The following PXDNL variants were observed in gnomAD, a reference collection of about 807,000 sequenced individuals.
PXDNL encodes the protein probable oxidoreductase PXDNL.
In PXDNL, 145 loss-of-function variants were observed where a neutral mutation model predicts 150.8. The observed-to-expected ratio is 0.96, with a 90% CI of 0.84 to 1.10. The LOEUF (loss-of-function observed/expected upper bound fraction) is 1.10, where lower values mean the gene tolerates loss of function less well. Among genes scored for constraint, PXDNL ranks in the 50% least tolerant of loss-of-function variants. The pLI is 0.00. For missense variants in PXDNL, 2,087 were observed against 1,873.9 expected (o/e 1.11, Z -2.10); for synonymous variants, 757 against 725.7 (o/e 1.04, Z -0.69).
intron 4 of PXDNL, among the ~76,000 whole-genome samples, chr8:51,512,093 A>C (rs1165409651): frequency 6.6e-6 from 1 of 152,250 alleles, no homozygotes; most frequent in African/African-American, 2.4e-5. Flanking sequence ...TTCCCATAAA[A>C]AAAAACTCAA....
chr8:51,715,541 TTC>T (rs374884282), intron 1 of PXDNL, among the ~76,000 whole-genome samples: 84 of 152,340 alleles, frequency 5.5e-4, no homozygotes, highest in African/African-American at 1.7e-3. Flanking sequence ...AAGTGTTAAC[TTC>T]TCTGATTCTT....
chr8:51,683,816 A>T (rs564208042), intron 1 of PXDNL, among the ~76,000 whole-genome samples: 3 of 152,190 alleles, frequency 2.0e-5, no homozygotes, highest in Non-Finnish European at 4.4e-5. Flanking sequence ...ATGTGTAGGC[A>T]AACAGCTCCA....
At chr8:51,578,776 A>G (rs1265192276) in intron 3 of PXDNL, among the ~76,000 whole-genome samples, 4 of 152,000 alleles carry the variant, frequency 2.6e-5, no homozygotes, top group Non-Finnish European at 5.9e-5. Context: ...AGGTAAATGT[A>G]ATAAAATAGA....
At chr8:51,449,206 TC>T (rs1809750422) in intron 10 of PXDNL, 88 bp from the exon 11 acceptor site, 1 of 705,164 alleles carries the variant, frequency 1.4e-6, no homozygotes, top group Non-Finnish European at 2.4e-6. Flanking sequence ...TTCAAATATG[TC>T]ATGTGATCAG....
At chr8:51,349,147 G>T (rs148779542) in intron 19 of PXDNL, among the ~76,000 whole-genome samples, 1 of 131,038 alleles carries the variant, frequency 7.6e-6, no homozygotes, top group Non-Finnish European at 1.7e-5. Flanking sequence ...TGTTCAAGAG[G>T]CATAACGGTG....
At chr8:51,617,113 G>A (rs546749780) in intron 2 of PXDNL, among the ~76,000 whole-genome samples, 4 of 152,282 alleles carry the variant, frequency 2.6e-5, no homozygotes, top group African/African-American at 9.6e-5. Flanking sequence ...AGGGAGTCCT[G>A]GCGAAGCTTG....
At chr8:51,486,931 G>A (rs1373769942) in intron 5 of PXDNL, among the ~76,000 whole-genome samples, 1 of 147,658 alleles carries the variant, frequency 6.8e-6, no homozygotes, top group Non-Finnish European at 1.5e-5. Flanking sequence ...CTCCCAAGTA[G>A]CTACAGGCGC....
chr8:51,548,290 T>A (rs184798887), intron 4 of PXDNL, among the ~76,000 whole-genome samples: 1 of 152,154 alleles, frequency 6.6e-6, no homozygotes, highest in Admixed American at 6.5e-5. Flanking sequence ...AAGGAAATCT[T>A]CCCTGAACTT....
In PXDNL at chr8:51,578,025, G is replaced by C. The variant is rs1401840992; in HGVS notation, c.308+14602C>G. Among the ~76,000 whole-genome samples, 66 of 115,502 alleles carry C rather than the reference G, an allele frequency of 5.7e-4. 2 individuals are homozygous for C. Among genetic ancestry groups the C allele is most frequent in the Non-Finnish European group, 1.3e-4 (8 of 59,916 alleles). 75.8% of individuals were successfully genotyped at this position (115,502 alleles called of 152,430 possible). On this transcript the variant is annotated intron_variant, in intron 3 of 22. Coordinates refer to ENST00000356297, the MANE Select transcript of PXDNL (RefSeq NM_144651.5). ...AGGAAGGAAGGAAGGAAGGAAGGAA[G>C]GAAGGAAGGAAGGAAGGAAGGAAGG...
chr8:51,806,798 T>G (rs2037680884), intron 1 of PXDNL, among the ~76,000 whole-genome samples: 1 of 152,170 alleles, frequency 6.6e-6, no homozygotes, highest in South Asian at 2.1e-4. Context: ...ATTAGCTAAG[T>G]AACTGGCTGC....
At chr8:51,800,689 T>A (rs187546451) in intron 1 of PXDNL, among the ~76,000 whole-genome samples, 2 of 152,364 alleles carry the variant, frequency 1.3e-5, no homozygotes, top group Admixed American at 1.3e-4. Context: ...TAATTTCTTA[T>A]GCCTGTCTTT....
intron 1 of PXDNL, among the ~76,000 whole-genome samples, chr8:51,733,255 A>G (rs1463911191): frequency 6.6e-6 from 1 of 152,230 alleles, no homozygotes; most frequent in Non-Finnish European, 1.5e-5. Context: ...TGAAGAATAC[A>G]GATAAGTAAC....
chr8:51,561,441 G>T (rs1488567290), intron 3 of PXDNL, among the ~76,000 whole-genome samples: 1 of 151,864 alleles, frequency 6.6e-6, no homozygotes, highest in African/African-American at 2.4e-5. Context: ...GGAAGCCAAG[G>T]CAGGAGGATC....
intron 17 of PXDNL, among the ~76,000 whole-genome samples, chr8:51,406,850 A>G (rs1473885602): frequency 6.6e-6 from 1 of 152,176 alleles, no homozygotes; most frequent in Non-Finnish European, 1.5e-5. Flanking sequence ...TCCCACGCCT[A>G]CCACAGGGCT....
At chr8:51,375,189 G>T (rs760038468) in intron 17 of PXDNL, among the ~76,000 whole-genome samples, 2 of 150,698 alleles carry the variant, frequency 1.3e-5, no homozygotes, top group African/African-American at 2.5e-5. Flanking sequence ...CATAATTTGC[G>T]GAGATGATAA....
chr8:51,570,885 T>C (rs1342517896), intron 3 of PXDNL, among the ~76,000 whole-genome samples: 1 of 151,864 alleles, frequency 6.6e-6, no homozygotes, highest in African/African-American at 2.4e-5. Context: ...ACAGATGATA[T>C]ATATGCAATA....
chr8:51,721,927 G>T, intron 1 of PXDNL: 1 of 256,170 alleles, frequency 3.9e-6, no homozygotes, highest in South Asian at 5.5e-5. Flanking sequence ...AGAGATACCT[G>T]ACCTTTAGGG....
intron 1 of PXDNL, among the ~76,000 whole-genome samples, chr8:51,691,920 C>A (rs547264187): frequency 6.6e-6 from 1 of 152,214 alleles, no homozygotes; most frequent in Non-Finnish European, 1.5e-5. Flanking sequence ...TCTAACTAAG[C>A]AGTCTCTTAT....
chr8:51,335,107 C>G (rs1805797792), intron 21 of PXDNL, among the ~76,000 whole-genome samples: 1 of 152,160 alleles, frequency 6.6e-6, no homozygotes. Flanking sequence ...TAGAACAGTT[C>G]TAATGTATGC....
Sources: allele counts gnomAD v4.1 joint callset (sites outside exome capture counted in the v4.1 genomes callset), GRCh38; gene constraint gnomAD v4.1.1; transcripts MANE v1.5; gene names NCBI Gene and HGNC (gene_info 2026-07-23, HGNC 2026-07-21).